The following KNOP1 variants were observed in gnomAD, a reference collection of about 807,000 sequenced individuals.
KNOP1 encodes the protein lysine rich nucleolar protein 1.
A neutral mutation model predicts 30.6 loss-of-function variants in KNOP1; 20 were observed. That is an observed-to-expected ratio of 0.65 (90% CI 0.46 to 0.95). The LOEUF is 0.95. Among genes scored for constraint, KNOP1 ranks in the 40% least tolerant of loss-of-function variants. The probability of loss-of-function intolerance (pLI) is 0.00; values close to 1 mark genes in which losing one functional copy is unlikely to be tolerated. For missense variants in KNOP1, 540 were observed against 562.0 expected (o/e 0.96, Z 0.40); for synonymous variants, 204 against 210.0 (o/e 0.97, Z 0.25).
rs532384532 is a variant in KNOP1 at position 19,717,394 on chromosome 16, G to C, written c.-3+764C>G. On this transcript the variant is annotated intron_variant, in intron 1 of 4. Transcript: ENST00000219837. ...GGAGAGCCAAGACGACTTCAGAATA[G>C]GGGAGCAGTCAAGAGAGCCAAGACG... The C allele has an allele frequency of 4.1e-6, 4 of 985,452 alleles. No individual in the cohort carries two copies. The South Asian group carries it at 1.9e-4, about 46-fold the overall frequency. 61.0% of individuals were successfully genotyped at this position (985,452 alleles called of 1,614,324 possible). A position where few individuals can be genotyped will look rare whatever the true frequency, so the allele number is the denominator to read the frequency against.
rs1362976942 is a variant in KNOP1, at chr16:19,703,932, G to A, written c.*2978C>T. The A allele has an allele frequency of 2.0e-5, 3 of 152,186 alleles. No homozygotes were observed. Among genetic ancestry groups the A allele is most frequent in the Admixed American group, 6.5e-5 (1 of 15,276 alleles). The allele number at this position is 152,186 out of a possible 1,614,324, so 9.4% of individuals were successfully genotyped here. On this transcript the variant is annotated 3_prime_UTR_variant, in exon 5 of 5. Transcript: ENST00000219837. ...ACTCCTAAGCCAGTGGTGATGTTGA[G>A]TTAGAAAGTCACAGCCTATTACAGA...
chr16:19,710,616 G>A (rs769710931), intron 3 of KNOP1, 30 bp from the exon 4 acceptor site: 16 of 1,573,296 alleles, frequency 1.0e-5, no homozygotes, highest in East Asian at 6.7e-5. Context: ...GAAGAGGGCC[G>A]TCAGACAGAG....
rs1976267505 is a variant in KNOP1 at position 19,704,129 on chromosome 16, C to T, written c.*2781G>A. The T allele has an allele frequency of 6.6e-6, 1 of 152,246 alleles. No homozygotes were observed. Among genetic ancestry groups the T allele is most frequent in the African/African-American group, 2.4e-5 (1 of 41,432 alleles). The allele number at this position is 152,246 out of a possible 1,614,324, so 9.4% of individuals were successfully genotyped here. A position where few individuals can be genotyped will look rare whatever the true frequency, so the allele number is the denominator to read the frequency against. On this transcript the variant is annotated 3_prime_UTR_variant, in exon 5 of 5. Transcript: ENST00000219837. ...CAGAGTCTCATTCTGTTGCCCGGGG[C>T]TAGAGTGTGCAGTGGCACCATCCCA...
At chr16:19,717,706 T>C in intron 1 of KNOP1, 1 of 987,792 alleles carries the variant, frequency 1.0e-6, no homozygotes, top group Non-Finnish European at 1.2e-6. Flanking sequence ...GACAGCCTTG[T>C]GAAGATCTTT....
intron 3 of KNOP1, 144 bp downstream of exon 3, chr16:19,711,228 G>A: frequency 1.3e-6 from 1 of 768,044 alleles, no homozygotes; most frequent in Non-Finnish European, 2.2e-6. Context: ...CCCGGGAGGT[G>A]TGCGTTGGCA....
intron 1 of KNOP1, chr16:19,717,682 T>C: frequency 1.0e-6 from 1 of 986,326 alleles, no homozygotes; most frequent in Non-Finnish European, 1.2e-6. Flanking sequence ...CCAAAACCGC[T>C]TTTAAATTCC....
At chr16:19,717,806 T>C in intron 1 of KNOP1, 2 of 997,998 alleles carry the variant, frequency 2.0e-6, no homozygotes, top group Non-Finnish European at 2.4e-6. Context: ...GAGACTGGAA[T>C]TCCGCCCACA....
intron 1 of KNOP1, 156 bp downstream of exon 1, chr16:19,718,002 C>T (rs1977281546): frequency 1.5e-6 from 2 of 1,323,488 alleles, no homozygotes; most frequent in Admixed American, 3.6e-5. Flanking sequence ...TTTCTGGAGG[C>T]GGCGGCCTCA....
At position 19,714,763 on chromosome 16, in the gene KNOP1, T is replaced by C; in HGVS notation, c.273A>G (p.Arg91=). ...TGAGGCTGGGTGACTTCTCTGTCCG[T>C]CTAGCAGGCAGCGTGGTCTCAGGTT... ...HVEPETTLPA[R]RTEKSPSLRK... is the part of the protein sequence containing the mutation. The change falls in exon 2 of 5, where the codon AGA becomes AGG. Residue 91 remains arginine (R), a synonymous_variant. Transcript: ENST00000219837. 1 of 1,614,208 alleles carries C rather than the reference T, an allele frequency of 6.2e-7. No homozygotes were observed. The highest frequency in any genetic ancestry group is 1.1e-5 in the South Asian group (1 of 91,080).
Position 19,710,517 on chromosome 16 carries a change from TC to T in KNOP1, c.1056del (p.Lys353SerfsTer22). On this transcript the variant is annotated frameshift_variant, in exon 4 of 5. Transcript: ENST00000219837. LOFTEE classifies it high-confidence loss of function. Reference sequence around the variant, plus strand: ...CCTAGCCCCAAACTTACCGTCCACTTCCTGGTTTCAGAAGCTTCCGTTTTGC... The same window carrying T: ...CCTAGCCCCAAACTTACCGTCCACTTCTGGTTTCAGAAGCTTCCGTTTTGC... ...ESGKTEASET[R>X]KWTGTQFGQW... 1.2e-6 allele frequency: 2 copies of T among 1,613,010 alleles called. No homozygotes were observed. Among genetic ancestry groups the T allele is most frequent in the Non-Finnish European group, 1.7e-6 (2 of 1,180,026 alleles).
In KNOP1 at chr16:19,706,992, G is replaced by A; in HGVS notation, c.1295C>T (p.Ala432Val). The change falls in exon 5 of 5, where the codon GCC (alanine) becomes GTC (valine). Residue 432 changes from alanine to valine, a missense_variant. Transcript: ENST00000219837. The stretch of plus-strand genomic sequence containing the variant: ...GGGGGCGGTGGAGAAGCCGAGGCCG[G>A]CTCCCCGGCTGTACTTCCAGCTCAT... Reference protein sequence around the residue: ...RAMSWKYSRGAGLGFSTAPNK... With the variant: ...RAMSWKYSRGVGLGFSTAPNK... 2 of 1,613,866 alleles carry A rather than the reference G, an allele frequency of 1.2e-6. No individual in the cohort carries two copies. Among genetic ancestry groups the A allele is most frequent in the Non-Finnish European group, 8.5e-7 (1 of 1,180,036 alleles).
At position 19,704,612 on chromosome 16, in the gene KNOP1, G is replaced by C. The variant is rs1456489610; in HGVS notation, c.*2298C>G. ...TCAAAAAAAAAGAAACGAACGGCTG[G>C]TTCCTGTTTACACCAGGCACATTCC... On this transcript the variant is annotated 3_prime_UTR_variant, in exon 5 of 5. Transcript: ENST00000219837. 1 of 152,268 alleles carries C rather than the reference G, an allele frequency of 6.6e-6. No homozygotes were observed. Among genetic ancestry groups the C allele is most frequent in the Non-Finnish European group, 1.5e-5 (1 of 68,124 alleles). 9.4% of individuals were successfully genotyped at this position (152,268 alleles called of 1,614,324 possible).
chr16:19,715,052 G>T lies in KNOP1; in HGVS notation c.-2-15C>A. The T allele has an allele frequency of 6.6e-7, 1 of 1,526,222 alleles. No individual in the cohort carries two copies. The highest frequency in any genetic ancestry group is 8.7e-7 in the Non-Finnish European group (1 of 1,143,268). 94.5% of individuals were successfully genotyped at this position (1,526,222 alleles called of 1,614,324 possible). On this transcript the variant is annotated splice_polypyrimidine_tract_variant and intron_variant, in intron 1 of 4. Transcript: ENST00000219837. ...GGTGATCATTCCTGAAAAAACAAAT[G>T]GTACAAGTTATCCCATACCAAGCCA... is the stretch of plus-strand genomic sequence containing the variant.
In KNOP1 at chr16:19,717,389, G is replaced by A. The variant is rs559793250; in HGVS notation, c.-3+769C>T. 3.0e-6 allele frequency: 3 copies of A among 985,358 alleles called. No individual in the cohort carries two copies. In the African/African-American group the frequency reaches 5.2e-5, roughly 17 times the overall value. 61.0% of individuals were successfully genotyped at this position (985,358 alleles called of 1,614,324 possible). The stretch of plus-strand genomic sequence containing the variant: ...AGTCAGGAGAGCCAAGACGACTTCA[G>A]AATAGGGGAGCAGTCAAGAGAGCCA... On this transcript the variant is annotated intron_variant, in intron 1 of 4. Coordinates refer to ENST00000219837, the MANE Select transcript of KNOP1 (RefSeq NM_001012991.3).
chr16:19,717,168 C>G (rs1415591668), intron 1 of KNOP1, among the ~76,000 whole-genome samples: 1 of 152,126 alleles, frequency 6.6e-6, no homozygotes, highest in Non-Finnish European at 1.5e-5. Flanking sequence ...TATAAACTTT[C>G]TCATAGATAG....
chr16:19,707,034 C>CGCTGCAGATTCT lies in KNOP1; in HGVS notation c.1241_1252dup (p.Gln414_Gln417dup), dbSNP rs1244891547. The CGCTGCAGATTCT allele has an allele frequency of 6.2e-7, 1 of 1,614,152 alleles. No individual in the cohort carries two copies. The highest frequency in any genetic ancestry group is 1.7e-5 in the Admixed American group (1 of 60,030). ...CCAGCTCATGGCCCGGTCGTAGTCCCGCTGCAGATTCTGCTGCAGGCTGTC... is the reference window on the plus strand; with the variant it reads ...CCAGCTCATGGCCCGGTCGTAGTCCCGCTGCAGATTCTGCTGCAGATTCTGCTGCAGGCTGTC... On this transcript the variant is annotated inframe_insertion, in exon 5 of 5. Transcript: ENST00000219837.
chr16:19,715,063 T>C (rs767294777), intron 1 of KNOP1, 26 bp from the exon 2 acceptor site: 15 of 1,495,606 alleles, frequency 1.0e-5, no homozygotes, highest in Admixed American at 9.0e-5. Flanking sequence ...GTACAAGTTA[T>C]CCCATACCAA....
In KNOP1 at chr16:19,704,458, T is replaced by G. The variant is rs1156553800; in HGVS notation, c.*2452A>C. ...CTCTTGGCAAGATAAAAACTATGAG[T>G]AGTAAACGGCCGATTCCAGCTACTC... On this transcript the variant is annotated 3_prime_UTR_variant, in exon 5 of 5. Transcript: ENST00000219837. 2 of 151,654 alleles carry G rather than the reference T, an allele frequency of 1.3e-5. No individual in the cohort carries two copies. Among genetic ancestry groups the G allele is most frequent in the Non-Finnish European group, 2.9e-5 (2 of 68,012 alleles). 9.4% of individuals were successfully genotyped at this position (151,654 alleles called of 1,614,324 possible). A position where few individuals can be genotyped will look rare whatever the true frequency, so the allele number is the denominator to read the frequency against.
At chr16:19,707,535 CCTTT>C (rs1352965884) in intron 4 of KNOP1, among the ~76,000 whole-genome samples, 1 of 151,954 alleles carries the variant, frequency 6.6e-6, no homozygotes, top group Non-Finnish European at 1.5e-5. Context: ...CACAGAGCTG[CCTTT>C]CTGCCTTCCT....
Sources: gnomAD v4.1 joint callset for allele counts (sites outside exome capture counted in the v4.1 genomes callset) on GRCh38, gnomAD v4.1.1 for gene constraint, MANE v1.5 for transcripts, NCBI Gene and HGNC (gene_info 2026-07-23, HGNC 2026-07-21) for gene names.